The following DNAI3 variants were observed in gnomAD, a reference collection of about 807,000 sequenced individuals.
DNAI3 encodes the protein dynein axonemal intermediate chain 3, also known as WD repeat domain 63.
Under a neutral mutation model 115.5 loss-of-function variants are expected in DNAI3, and 83 were observed. That is an observed-to-expected ratio of 0.72 (90% CI 0.60 to 0.86). The LOEUF (loss-of-function observed/expected upper bound fraction) is 0.86, where lower values mean the gene tolerates loss of function less well. Ranked by LOEUF, DNAI3 falls within the 40% of genes least tolerant of loss-of-function variation. The pLI is 0.00. For missense variants in DNAI3, 1,004 were observed against 1,075.8 expected, an observed-to-expected ratio of 0.93 and a Z score of 0.93; for synonymous variants, 320 against 347.0, an observed-to-expected ratio of 0.92 and a Z score of 0.86.
rs757671860 is a variant in DNAI3 at position 85,105,216 on chromosome 1, A to G, written c.1553+619A>G. Among the ~76,000 whole-genome samples the G allele has an allele frequency of 5.9e-5, 9 of 152,318 alleles. No homozygotes were observed. In the East Asian group the frequency reaches 1.7e-3, roughly 29 times the overall value. ...AGAAAAAGGTGTGGAGTGGCAGAAGAAGGCACAAGTGATGTTAGTAGCAGC... is the reference window on the plus strand; with the variant it reads ...AGAAAAAGGTGTGGAGTGGCAGAAGGAGGCACAAGTGATGTTAGTAGCAGC... On this transcript the variant is annotated intron_variant, in intron 14 of 22. Coordinates refer to ENST00000294664, the MANE Select transcript of DNAI3 (RefSeq NM_145172.5).
intron 6 of DNAI3, 75 bp downstream of exon 6, chr1:85,084,770 AG>A (rs1654749324): frequency 3.9e-6 from 5 of 1,285,120 alleles, no homozygotes; most frequent in South Asian, 3.1e-5. Flanking sequence ...GGGATTCATA[AG>A]GTTTACTGTG....
intron 8 of DNAI3, among the ~76,000 whole-genome samples, chr1:85,092,356 G>A (rs7512285): frequency 0.026 from 3,888 of 152,164 alleles, 156 homozygotes; most frequent in East Asian, 0.14. Flanking sequence ...AGGAGTATCT[G>A]TTTTTACTGT....
rs35938324 is a variant in DNAI3 at position 85,080,046 on chromosome 1, CTTTTTTTTTTT to C, written c.104-1175_104-1165del. Among the ~76,000 whole-genome samples the C allele has an allele frequency of 4.4e-5, 3 of 68,380 alleles. No individual in the cohort carries two copies. In the East Asian group the frequency reaches 1.1e-3, roughly 25 times the overall value. 44.9% of individuals were successfully genotyped at this position (68,380 alleles called of 152,430 possible). On this transcript the variant is annotated intron_variant, in intron 3 of 22. Coordinates refer to ENST00000294664, the MANE Select transcript of DNAI3 (RefSeq NM_145172.5). ...GAAAGTTTCTTTTCTTTTTCTTTTT[CTTTTTTTTTTT>C]TTTTTTTTTTTTGAGACAGAGTCTC...
At chr1:85,129,564 A>T (rs1372729971) in intron 21 of DNAI3, among the ~76,000 whole-genome samples, 1 of 152,136 alleles carries the variant, frequency 6.6e-6, no homozygotes, top group Non-Finnish European at 1.5e-5. Flanking sequence ...TTGATTGATG[A>T]TATGAAACTT....
At chr1:85,077,571 TAAG>T (rs1192710114) in intron 3 of DNAI3, among the ~76,000 whole-genome samples, 1 of 152,128 alleles carries the variant, frequency 6.6e-6, no homozygotes, top group African/African-American at 2.4e-5. Flanking sequence ...ATAGTTATGC[TAAG>T]AAGATAAACA....
chr1:85,069,014 C>T (rs1311391630), intron 1 of DNAI3, among the ~76,000 whole-genome samples: 1 of 152,228 alleles, frequency 6.6e-6, no homozygotes, highest in African/African-American at 2.4e-5. Flanking sequence ...TCATCCACAC[C>T]ACAGTGCATA....
intron 8 of DNAI3, 53 bp downstream of exon 8, chr1:85,090,285 A>G (rs1194818956): frequency 1.0e-6 from 1 of 1,000,880 alleles, no homozygotes. Flanking sequence ...GTATATGTTT[A>G]CATAGAATAA....
chr1:85,129,314 T>A (rs1218317241), intron 21 of DNAI3, among the ~76,000 whole-genome samples: 1 of 152,200 alleles, frequency 6.6e-6, no homozygotes, highest in Non-Finnish European at 1.5e-5. Context: ...TAGAAATATA[T>A]AAATGTATAT....
rs1654340292 is a variant in DNAI3 at position 85,073,188 on chromosome 1, A to G, written c.103+96A>G. ...GGAATACTACAAACTGAAGTGATCA[A>G]TCAAAATGTACATGGGCTAAAATTA... On this transcript the variant is annotated intron_variant, in intron 3 of 22. Coordinates refer to ENST00000294664, the MANE Select transcript of DNAI3 (RefSeq NM_145172.5). 7.9e-6 allele frequency: 7 copies of G among 881,340 alleles called. 1 individual carries two copies. The African/African-American group carries it at 1.2e-4, about 15-fold the overall frequency. 54.6% of individuals were successfully genotyped at this position (881,340 alleles called of 1,614,324 possible).
chr1:85,099,328 C>T (rs1446351231), intron 13 of DNAI3: 21 of 964,394 alleles, frequency 2.2e-5, no homozygotes, highest in Non-Finnish European at 2.5e-5. Flanking sequence ...GCATTCTATA[C>T]ACCAATAACA....
intron 16 of DNAI3, among the ~76,000 whole-genome samples, chr1:85,113,624 T>C (rs1403953544): frequency 6.7e-6 from 1 of 149,754 alleles, no homozygotes; most frequent in African/African-American, 2.5e-5. Flanking sequence ...TGAAATTAGA[T>C]AGTGTTAGTT....
intron 1 of DNAI3, among the ~76,000 whole-genome samples, chr1:85,071,446 G>C (rs1409962763): frequency 6.6e-6 from 1 of 152,206 alleles, no homozygotes; most frequent in Admixed American, 6.5e-5. Context: ...TTCACATGCT[G>C]AGATAAAAGT....
chr1:85,064,311 G>T (rs925878603), intron 1 of DNAI3, among the ~76,000 whole-genome samples: 1 of 152,122 alleles, frequency 6.6e-6, no homozygotes. Flanking sequence ...TAATAGGATA[G>T]CATCTACTCA....
At position 85,085,959 on chromosome 1, in the gene DNAI3, TA is replaced by T. The variant is rs1654790021; in HGVS notation, c.672del (p.Lys224AsnfsTer11). ...CCTACCCAGATAAAAATTTTACCCTTAAACAACTTGAAAAAGATGTTGGCAT... is the reference window on the plus strand; with the variant it reads ...CCTACCCAGATAAAAATTTTACCCTTAACAACTTGAAAAAGATGTTGGCAT... Reference protein sequence around the residue: ...TAYPDKNFTLKQLEKDVGMQV... With the variant: ...TAYPDKNFTLXQLEKDVGMQV... On this transcript the variant is annotated frameshift_variant, in exon 7 of 23. Transcript: ENST00000294664. LOFTEE classifies it high-confidence loss of function. 6.2e-7 allele frequency: 1 copy of T among 1,614,144 alleles called. No homozygotes were observed. The highest frequency in any genetic ancestry group is 8.5e-7 in the Non-Finnish European group (1 of 1,180,000).
chr1:85,125,159 G>A (rs924998558), intron 19 of DNAI3, among the ~76,000 whole-genome samples: 32 of 152,058 alleles, frequency 2.1e-4, no homozygotes, highest in African/African-American at 7.7e-4. Flanking sequence ...AGTACTTTTG[G>A]TGGGATTGTA....
At chr1:85,105,347 G>T (rs1221929717) in intron 14 of DNAI3, among the ~76,000 whole-genome samples, 2 of 152,058 alleles carry the variant, frequency 1.3e-5, no homozygotes, top group East Asian at 3.9e-4. Flanking sequence ...TTAAGGGAAA[G>T]AAATAAGCTT....
chr1:85,130,062 C>A lies in DNAI3; in HGVS notation c.2482C>A (p.Arg828Ser), dbSNP rs143304188. The change falls in exon 22 of 23, where the codon CGT (arginine) becomes AGT (serine). Residue 828 changes from arginine to serine, a missense_variant. Coordinates refer to ENST00000294664, the MANE Select transcript of DNAI3 (RefSeq NM_145172.5). ...ATACGTAGAACAGCGCAAAAAAATTCGTGAGCAAGAAAAGAAAGAAATGGA... is the reference window on the plus strand; with the variant it reads ...ATACGTAGAACAGCGCAAAAAAATTAGTGAGCAAGAAAAGAAAGAAATGGA... ...LEYVEQRKKI[R>S]EQEKKEMELE... 6.8e-6 allele frequency: 11 copies of A among 1,613,412 alleles called. 1 individual carries two copies. The highest frequency in any genetic ancestry group is 9.3e-6 in the Non-Finnish European group (11 of 1,179,788).
chr1:85,090,711 T>C (rs1654945943), intron 8 of DNAI3, among the ~76,000 whole-genome samples: 2 of 152,200 alleles, frequency 1.3e-5, no homozygotes, highest in Admixed American at 1.3e-4. Context: ...GTTCCTGCAC[T>C]CTTACTGGCT....
intron 4 of DNAI3, among the ~76,000 whole-genome samples, chr1:85,081,743 G>T (rs372993974): frequency 1.3e-5 from 2 of 152,130 alleles, no homozygotes; most frequent in East Asian, 3.8e-4. Context: ...CGCCTCCCAG[G>T]TTCAAGCAAT....
Sources: gnomAD v4.1 joint callset for allele counts (sites outside exome capture counted in the v4.1 genomes callset) on GRCh38, gnomAD v4.1.1 for gene constraint, MANE v1.5 for transcripts, NCBI Gene and HGNC (gene_info 2026-07-23, HGNC 2026-07-21) for gene names.